The following DCAF6 variants were observed in gnomAD, a reference collection of about 807,000 sequenced individuals.
The protein encoded by DCAF6 is DDB1- and CUL4-associated factor 6.
Under a neutral mutation model 125.1 loss-of-function variants are expected in DCAF6, and 54 were observed. The ratio of observed to expected loss-of-function variants is 0.43; its 90% confidence interval spans 0.35 to 0.54. The LOEUF is 0.54. Ranked by LOEUF, DCAF6 falls within the 20% of genes least tolerant of loss-of-function variation. DCAF6 has a pLI of 0.01. For missense variants in DCAF6, 934 were observed against 1,161.7 expected, an observed-to-expected ratio of 0.80 and a Z score of 2.85; for synonymous variants, 371 against 390.4, an observed-to-expected ratio of 0.95 and a Z score of 0.58.
At chr1:167,880,307 T>C in the DCAF6 span, 1 of 1,086,946 alleles carries the variant, frequency 9.2e-7, no homozygotes, top group Non-Finnish European at 1.4e-6. Context: ...GGATTTTCTC[T>C]ACCCGTTGGA....
the DCAF6 span, among the ~76,000 whole-genome samples, chr1:167,893,695 CAAAAAAA>C: frequency 1.6e-4 from 11 of 70,190 alleles, no homozygotes; most frequent in African/African-American, 5.5e-4. Context: ...GACTCTGTCT[CAAAAAAA>C]AAAAAAAAAA....
In DCAF6 at chr1:168,015,778, C is replaced by T; in HGVS notation, c.1379-3C>T. The T allele has an allele frequency of 6.8e-7, 1 of 1,465,502 alleles. No homozygotes were observed. The highest frequency in any genetic ancestry group is 9.1e-7 in the Non-Finnish European group (1 of 1,102,908). The allele number at this position is 1,465,502 out of a possible 1,614,324, so 90.8% of individuals were successfully genotyped here. Reference sequence around the variant, plus strand: ...TTCACCTTTCTTTTCCTATTTGTGTCAGAATTTTTAAGGGGCCCTGAGATA... The same window carrying T: ...TTCACCTTTCTTTTCCTATTTGTGTTAGAATTTTTAAGGGGCCCTGAGATA... On this transcript the variant is annotated splice_polypyrimidine_tract_variant and splice_region_variant and intron_variant, in intron 10 of 21. Transcript: ENST00000367840.
At chr1:167,939,150 CTG>C (rs1395369236) in intron 1 of DCAF6, among the ~76,000 whole-genome samples, 1 of 152,168 alleles carries the variant, frequency 6.6e-6, no homozygotes, top group African/African-American at 2.4e-5. Flanking sequence ...GACCTTTACA[CTG>C]TTATTCAGCT....
chr1:168,008,959 TTTCTTTTCTTCC>T (rs1683780126), intron 10 of DCAF6, among the ~76,000 whole-genome samples: 1 of 146,538 alleles, frequency 6.8e-6, no homozygotes, highest in Admixed American at 6.8e-5. Context: ...CTCTCTTTTC[TTTCTTTTCTTCC>T]TTCTTTTCTT....
At chr1:168,046,390 G>C (rs1689155691) in intron 16 of DCAF6, among the ~76,000 whole-genome samples, 1 of 152,158 alleles carries the variant, frequency 6.6e-6, no homozygotes, top group Non-Finnish European at 1.5e-5. Flanking sequence ...GATAAAGACT[G>C]AAAGAAGACA....
intron 13 of DCAF6, among the ~76,000 whole-genome samples, chr1:168,041,894 G>GCACACACA (rs869267755): frequency 0.016 from 881 of 54,390 alleles, 7 homozygotes; most frequent in African/African-American, 0.068. Context: ...TGTTTGTCGC[G>GCACACACA]CACACACACA....
chr1:167,865,314 A>G, the DCAF6 span, among the ~76,000 whole-genome samples: 1 of 152,242 alleles, frequency 6.6e-6, no homozygotes, highest in South Asian at 2.1e-4. Flanking sequence ...TGTGTAAACT[A>G]ATTAGCTAAA....
At chr1:167,893,859 C>A in the DCAF6 span, 6 of 1,611,906 alleles carry the variant, frequency 3.7e-6, no homozygotes, top group Non-Finnish European at 5.1e-6. Flanking sequence ...ATACCTGCTT[C>A]AAAATGCTTT....
At chr1:167,899,492 T>G in the DCAF6 span, 25 of 1,614,090 alleles carry the variant, frequency 1.5e-5, no homozygotes, top group Non-Finnish European at 2.1e-5. Context: ...GCCAGCAGTT[T>G]GGTGACAGAA....
At position 167,941,487 on chromosome 1, in the gene DCAF6, T is replaced by G. The variant is rs565545127; in HGVS notation, c.97+4479T>G. Among the ~76,000 whole-genome samples the G allele has an allele frequency of 2.6e-5, 4 of 152,330 alleles. No homozygotes were observed. The East Asian group carries it at 7.7e-4, about 29-fold the overall frequency. On this transcript the variant is annotated intron_variant, in intron 1 of 21. Coordinates refer to ENST00000367840, the MANE Select transcript of DCAF6 (RefSeq NM_001198956.2). ...ATGATCCATGATAAAAGTACATTTA[T>G]GTGGCAACCTGTGATATACACAACG...
chr1:167,995,681 G>GA (rs200291600), intron 7 of DCAF6, among the ~76,000 whole-genome samples: 1,062 of 85,184 alleles, frequency 0.012, 1 homozygote, highest in African/African-American at 0.024. Context: ...CTCAGTCTCA[G>GA]AAAAAAAAAA....
At chr1:167,982,318 A>G (rs1314731047) in intron 4 of DCAF6, among the ~76,000 whole-genome samples, 2 of 151,748 alleles carry the variant, frequency 1.3e-5, no homozygotes, top group South Asian at 2.1e-4. Context: ...CTCGGCTCAC[A>G]GCAACCTCCT....
At chr1:168,001,944 G>A (rs997212523) in intron 7 of DCAF6, among the ~76,000 whole-genome samples, 1 of 152,026 alleles carries the variant, frequency 6.6e-6, no homozygotes, top group African/African-American at 2.4e-5. Context: ...TTGTTAAGAG[G>A]GCAAGAATGA....
chr1:167,942,781 A>G (rs925547720), intron 1 of DCAF6, among the ~76,000 whole-genome samples: 1 of 152,190 alleles, frequency 6.6e-6, no homozygotes, highest in Admixed American at 6.5e-5. Flanking sequence ...GTGTGGAAAG[A>G]CTACTTTTTT....
the DCAF6 span, among the ~76,000 whole-genome samples, chr1:167,899,103 C>T: frequency 6.6e-6 from 1 of 152,254 alleles, no homozygotes; most frequent in South Asian, 2.1e-4. Flanking sequence ...AAACTATTCC[C>T]CTCTGCTCCT....
intron 4 of DCAF6, among the ~76,000 whole-genome samples, chr1:167,986,389 G>A (rs557739591): frequency 2.4e-4 from 36 of 152,222 alleles, no homozygotes; most frequent in Non-Finnish European, 4.7e-4. Flanking sequence ...GGCCATTCGG[G>A]TATGGTATAG....
chr1:167,870,509 T>TG, the DCAF6 span: 1 of 1,114,962 alleles, frequency 9.0e-7, no homozygotes, highest in Non-Finnish European at 1.3e-6. Flanking sequence ...AAAATATCCT[T>TG]GGGCCAGGCG....
chr1:167,963,103 T>C (rs1191280096), intron 2 of DCAF6, among the ~76,000 whole-genome samples: 2 of 151,376 alleles, frequency 1.3e-5, no homozygotes, highest in African/African-American at 2.4e-5. Context: ...CTACTAAAAA[T>C]ACAAAAATTA....
chr1:167,902,167 A>G, the DCAF6 span: 10 of 1,053,430 alleles, frequency 9.5e-6, no homozygotes, highest in Non-Finnish European at 1.4e-5. Context: ...GATTCAGAGA[A>G]TAGGCTTATA....
Sources: allele counts gnomAD v4.1 joint callset (sites outside exome capture counted in the v4.1 genomes callset), GRCh38; gene constraint gnomAD v4.1.1; transcripts MANE v1.5; gene names NCBI Gene and HGNC (gene_info 2026-07-23, HGNC 2026-07-21).